SKI: variants seen among roughly 807,000 people sequenced by gnomAD.
SKI encodes SKI proto-oncogene, also known as ski oncogene.
Under a neutral mutation model 59.3 loss-of-function variants are expected in SKI, and 23 were observed. The observed-to-expected ratio is 0.39, with a 90% CI of 0.28 to 0.55. The LOEUF is 0.55. Ranked by LOEUF, SKI falls within the 20% of genes least tolerant of loss-of-function variation. The pLI, the probability that SKI is intolerant of heterozygous loss-of-function variation, is 0.67. For missense variants in SKI, 1,017 were observed against 1,038.9 expected (o/e 0.98, Z 0.29); for synonymous variants, 673 against 488.6 (o/e 1.38, Z -4.98).
At chr1:2,230,374 T>C (rs1638608217) in intron 1 of SKI, among the ~76,000 whole-genome samples, 1 of 152,164 alleles carries the variant, frequency 6.6e-6, no homozygotes, top group Admixed American at 6.5e-5. Context: ...AGCACTGTGC[T>C]GGTTGGTCTC....
chr1:2,294,806 C>A (rs1640247142), intron 1 of SKI, among the ~76,000 whole-genome samples: 1 of 152,218 alleles, frequency 6.6e-6, no homozygotes, highest in Admixed American at 6.5e-5. Context: ...TCTCCTGGCA[C>A]CTGGGCTGGG....
Position 2,306,785 on chromosome 1 carries a change from A to T in SKI, c.*20A>T. The T allele has an allele frequency of 6.8e-7, 1 of 1,479,846 alleles. No homozygotes were observed. Among genetic ancestry groups the T allele is most frequent in the Non-Finnish European group, 8.9e-7 (1 of 1,119,096 alleles). The allele number at this position is 1,479,846 out of a possible 1,614,324, so 91.7% of individuals were successfully genotyped here. A position where few individuals can be genotyped will look rare whatever the true frequency, so the allele number is the denominator to read the frequency against. ...CCGTAGATTCCGTGCCTGCCGCCGC[A>T]GCGCCGCCGACAACGCGGGTGCAGG... On this transcript the variant is annotated 3_prime_UTR_variant, in exon 7 of 7. Transcript: ENST00000378536.
At chr1:2,287,157 G>C (rs1640056483) in intron 1 of SKI, among the ~76,000 whole-genome samples, 1 of 152,058 alleles carries the variant, frequency 6.6e-6, no homozygotes, top group Non-Finnish European at 1.5e-5. Flanking sequence ...GGGTGCCCTG[G>C]CCCAGGGTGC....
At chr1:2,276,682 A>C (rs1439615771) in intron 1 of SKI, among the ~76,000 whole-genome samples, 3 of 152,240 alleles carry the variant, frequency 2.0e-5, no homozygotes, top group Non-Finnish European at 4.4e-5. Context: ...TAGGCCGTGC[A>C]CCCCAACCTG....
chr1:2,280,641 CAGAG>C (rs1639857799), intron 1 of SKI, among the ~76,000 whole-genome samples: 1 of 135,808 alleles, frequency 7.4e-6, no homozygotes, highest in South Asian at 2.5e-4. Context: ...CGGCGATCTT[CAGAG>C]AGAGGACACC....
At chr1:2,240,864 T>G in intron 1 of SKI, 2 of 922,988 alleles carry the variant, frequency 2.2e-6, no homozygotes, top group Non-Finnish European at 2.6e-6. Flanking sequence ...CCACAGCCCT[T>G]CGGCACTGCT....
chr1:2,255,638 T>G (rs1316084372), intron 1 of SKI, among the ~76,000 whole-genome samples: 1 of 152,028 alleles, frequency 6.6e-6, no homozygotes. Context: ...GCATTTCCTG[T>G]CTGGAGCTCT....
chr1:2,255,488 C>T (rs949546944), intron 1 of SKI, among the ~76,000 whole-genome samples: 1 of 152,044 alleles, frequency 6.6e-6, no homozygotes, highest in African/African-American at 2.4e-5. Flanking sequence ...ACACTGTGTC[C>T]TGACCTCATT....
chr1:2,242,660 T>C (rs1208449431), intron 1 of SKI, among the ~76,000 whole-genome samples: 1 of 152,166 alleles, frequency 6.6e-6, no homozygotes, highest in African/African-American at 2.4e-5. Context: ...GCCGGGACTG[T>C]AGGTGGGCAT....
At position 2,303,491 on chromosome 1, in the gene SKI, G is replaced by T; in HGVS notation, c.1211+91G>T. 1 of 1,225,808 alleles carries T rather than the reference G, an allele frequency of 8.2e-7. No homozygotes were observed. Among genetic ancestry groups the T allele is most frequent in the Non-Finnish European group, 1.2e-6 (1 of 850,698 alleles). 75.9% of individuals were successfully genotyped at this position (1,225,808 alleles called of 1,614,324 possible). The stretch of plus-strand genomic sequence containing the variant: ...GACGCGCCCATGTTTCTGCAGGCTG[G>T]GTGCCCAGACCTGCCGCCTTTTGGT... On this transcript the variant is annotated intron_variant, in intron 3 of 6. Coordinates refer to ENST00000378536, the MANE Select transcript of SKI (RefSeq NM_003036.4). This position sits in a 1 kb window ranked among gnomAD's most constrained non-coding sequence, Gnocchi z 5.6.
intron 1 of SKI, among the ~76,000 whole-genome samples, chr1:2,290,407 G>GCACTGCT (rs1032602197): frequency 1.3e-5 from 2 of 152,206 alleles, no homozygotes; most frequent in African/African-American, 2.4e-5. Flanking sequence ...CCGCCACCCT[G>GCACTGCT]CACTGCTCAG....
rs1638552074 is a variant in SKI at position 2,228,495 on chromosome 1, G to T, written c.-272G>T. Reference sequence around the variant, plus strand: ...CGGGGGGCGCGCGGGGGACGCGCGGGGGGCCCGGGCGGCGGCGGGCGCGGC... The same window carrying T: ...CGGGGGGCGCGCGGGGGACGCGCGGTGGGCCCGGGCGGCGGCGGGCGCGGC... On this transcript the variant is annotated 5_prime_UTR_variant, in exon 1 of 7. Transcript: ENST00000378536. 7.0e-6 allele frequency among the ~76,000 whole-genome samples: 1 copy of T among 143,552 alleles called. No homozygotes were observed. Among genetic ancestry groups the T allele is most frequent in the Non-Finnish European group, 1.5e-5 (1 of 64,780 alleles). The allele number at this position is 143,552 out of a possible 152,430, so 94.2% of individuals were successfully genotyped here. A position where few individuals can be genotyped will look rare whatever the true frequency, so the allele number is the denominator to read the frequency against.
At chr1:2,264,450 A>G (rs1481605013) in intron 1 of SKI, among the ~76,000 whole-genome samples, 1 of 148,928 alleles carries the variant, frequency 6.7e-6, no homozygotes, top group Admixed American at 6.6e-5. Flanking sequence ...TTGTATTTTT[A>G]GTAGAGACAG....
chr1:2,229,641 C>T lies in SKI; in HGVS notation c.875C>T (p.Thr292Met), dbSNP rs530491488. The T allele has an allele frequency of 6.8e-6, 11 of 1,612,142 alleles. No homozygotes were observed. The highest frequency in any genetic ancestry group is 7.6e-6 in the Non-Finnish European group (9 of 1,179,790). ...TACATCCTGCTGAGCCAGGATTACA[C>T]GGGCAAGGAGGAGCAGGCGCGCCTC... ...RAYILLSQDY[T>M]GKEEQARLGR... The change falls in exon 1 of 7, where the codon ACG becomes ATG. Residue 292 changes from threonine to methionine, a missense_variant. Thr to Met is a moderately conservative substitution (Grantham distance 81, BLOSUM62 -1). Transcript: ENST00000378536. This position sits in a 1 kb window ranked among gnomAD's most constrained non-coding sequence, Gnocchi z 6.3.
intron 1 of SKI, among the ~76,000 whole-genome samples, chr1:2,257,776 T>C (rs1038107342): frequency 6.6e-6 from 1 of 152,220 alleles, no homozygotes; most frequent in Admixed American, 6.6e-5. Context: ...TTTGCTCTTG[T>C]TGCCCAGGCT....
At chr1:2,274,210 CCTG>C (rs1220445544) in intron 1 of SKI, among the ~76,000 whole-genome samples, 1 of 152,142 alleles carries the variant, frequency 6.6e-6, no homozygotes, top group Admixed American at 6.6e-5. Context: ...ATGTGCTTTG[CCTG>C]CTTTCCCATG....
chr1:2,285,481 C>T (rs1450542143), intron 1 of SKI, among the ~76,000 whole-genome samples: 1 of 151,764 alleles, frequency 6.6e-6, no homozygotes, highest in Non-Finnish European at 1.5e-5. Context: ...TGCCACTGCA[C>T]TCCAGCCTGG....
intron 1 of SKI, among the ~76,000 whole-genome samples, chr1:2,294,147 CT>C (rs1185811304): frequency 6.6e-6 from 1 of 152,212 alleles, no homozygotes; most frequent in Admixed American, 6.5e-5. Context: ...TCCTCTTCCC[CT>C]GAGCGGGGGC....
chr1:2,270,954 T>G lies in SKI; in HGVS notation c.970-32024T>G, dbSNP rs1639602916. On this transcript the variant is annotated intron_variant, in intron 1 of 6. Transcript: ENST00000378536. The surrounding 1 kb of genome is among the most constrained non-coding windows in gnomAD (Gnocchi z 4.1). ...CCAGGCCAGGCGCTTTCCCTGTGAA[T>G]GAGCCGATGGCCGCAAGTGCCTGGC... is the stretch of plus-strand genomic sequence containing the variant. Among the ~76,000 whole-genome samples, 1 of 152,208 alleles carries G rather than the reference T, an allele frequency of 6.6e-6. No individual in the cohort carries two copies. Among genetic ancestry groups the G allele is most frequent in the Admixed American group, 6.5e-5 (1 of 15,290 alleles).
Sources: allele counts gnomAD v4.1 joint callset (sites outside exome capture counted in the v4.1 genomes callset), GRCh38; gene constraint gnomAD v4.1.1; non-coding constraint Gnocchi (gnomAD v3.1); transcripts MANE v1.5; gene names NCBI Gene and HGNC (gene_info 2026-07-23, HGNC 2026-07-21).